The following SYT16 variants were observed in gnomAD, a reference collection of about 807,000 sequenced individuals.
SYT16 encodes synaptotagmin-16.
A neutral mutation model predicts 61.4 loss-of-function variants in SYT16; 42 were observed. The observed-to-expected ratio is 0.68, with a 90% CI of 0.53 to 0.89. The LOEUF (loss-of-function observed/expected upper bound fraction) is 0.89. SYT16 is among the 40% of genes least tolerant of loss of function. The pLI is 0.00. For synonymous variants in SYT16, 314 were observed against 302.3 expected, an observed-to-expected ratio of 1.04 and a Z score of -0.40; for missense variants, 804 against 807.3, an observed-to-expected ratio of 1.00 and a Z score of 0.05.
At chr14:61,960,099 G>A (rs775481537) in intron 1 of SYT16, among the ~76,000 whole-genome samples, 1 of 152,050 alleles carries the variant, frequency 6.6e-6, no homozygotes, top group Non-Finnish European at 1.5e-5. Flanking sequence ...CCTTAACTCA[G>A]TTTTTATTTG....
chr14:62,098,859 G>T (rs1392574527), intron 7 of SYT16, among the ~76,000 whole-genome samples: 1 of 152,152 alleles, frequency 6.6e-6, no homozygotes, highest in Non-Finnish European at 1.5e-5. Context: ...GGGAGTGAGA[G>T]AAAAAGGTCA....
chr14:62,100,694 T>C lies in SYT16; in HGVS notation c.1925T>C (p.Leu642Ser). 6.2e-7 allele frequency: 1 copy of C among 1,613,036 alleles called. No homozygotes were observed. The highest frequency in any genetic ancestry group is 8.5e-7 in the Non-Finnish European group (1 of 1,179,344). ...CAGCAGATCTGCAGATGGCACACTT[T>C]GCTGGAATCCTAGGTTTGCTAACCT... The part of the protein sequence containing the change: ...KGQQICRWHT[L>S]LES The change falls in exon 8 of 8, where the codon TTG becomes TCG. Residue 642 changes from leucine (L) to serine (S), a missense_variant. Leu to Ser is a moderately radical substitution (Grantham distance 145, BLOSUM62 -2). Transcript: ENST00000683842.
chr14:61,941,761 T>A (rs1270816942), intron 1 of SYT16, among the ~76,000 whole-genome samples: 2 of 152,132 alleles, frequency 1.3e-5, no homozygotes, highest in African/African-American at 4.8e-5. Flanking sequence ...TGACCATAGG[T>A]GCAAAGGTGC....
intron 1 of SYT16, among the ~76,000 whole-genome samples, chr14:61,964,708 A>G (rs990415274): frequency 1.3e-5 from 2 of 152,174 alleles, no homozygotes; most frequent in Non-Finnish European, 2.9e-5. Flanking sequence ...ACAGCATCAT[A>G]TGCTACAGAG....
chr14:61,912,088 G>A (rs1376111761), intron 1 of SYT16, among the ~76,000 whole-genome samples: 1 of 152,290 alleles, frequency 6.6e-6, no homozygotes, highest in African/African-American at 2.4e-5. Flanking sequence ...TGGGAGTGAT[G>A]TGTCTTTAAG....
At chr14:61,877,294 A>C (rs1041485256) in intron 1 of SYT16, among the ~76,000 whole-genome samples, 10 of 152,106 alleles carry the variant, frequency 6.6e-5, no homozygotes, top group Admixed American at 5.2e-4. Flanking sequence ...CAGGGAGGGA[A>C]GGTTGTCACA....
chr14:62,026,790 A>G (rs185513298), intron 3 of SYT16, among the ~76,000 whole-genome samples: 2 of 152,342 alleles, frequency 1.3e-5, no homozygotes, highest in Admixed American at 1.3e-4. Flanking sequence ...TTCTCCTTCT[A>G]GTAATGTATT....
chr14:61,897,393 T>G (rs959946023), intron 1 of SYT16: 1 of 152,052 alleles, frequency 6.6e-6, no homozygotes, highest in African/African-American at 2.4e-5. Flanking sequence ...GGTGTTGATC[T>G]TGTGGAAAGC....
intron 3 of SYT16, among the ~76,000 whole-genome samples, chr14:62,006,985 G>C (rs930412907): frequency 6.6e-6 from 1 of 152,088 alleles, no homozygotes; most frequent in Non-Finnish European, 1.5e-5. Context: ...TTGAAATCAT[G>C]GTGATATTTG....
intron 3 of SYT16, among the ~76,000 whole-genome samples, chr14:62,007,763 T>C (rs1415271387): frequency 6.6e-6 from 1 of 152,024 alleles, no homozygotes; most frequent in Non-Finnish European, 1.5e-5. Context: ...AATAAGAAAA[T>C]TAAGTCCTTT....
chr14:62,077,521 C>T (rs982226774), intron 5 of SYT16: 1 of 152,202 alleles, frequency 6.6e-6, no homozygotes, highest in Non-Finnish European at 1.5e-5. Context: ...CACTTTTCAT[C>T]TCTGCTTTCC....
intron 3 of SYT16, among the ~76,000 whole-genome samples, chr14:62,050,504 G>T (rs962495057): frequency 6.6e-6 from 1 of 152,186 alleles, no homozygotes; most frequent in Non-Finnish European, 1.5e-5. Context: ...GCTTTGTTCT[G>T]TTGCTGGTGA....
chr14:61,882,186 TC>T (rs1424550460), intron 1 of SYT16, among the ~76,000 whole-genome samples: 2 of 151,992 alleles, frequency 1.3e-5, no homozygotes, highest in African/African-American at 2.4e-5. Context: ...CCATATACTA[TC>T]CTCCCAATTA....
At chr14:62,035,190 G>A (rs2054460384) in intron 3 of SYT16, among the ~76,000 whole-genome samples, 1 of 152,162 alleles carries the variant, frequency 6.6e-6, no homozygotes, top group Non-Finnish European at 1.5e-5. Flanking sequence ...CATGTTGCTA[G>A]ACTCCCCTTA....
chr14:61,852,218 C>A (rs1286948309), intron 1 of SYT16, among the ~76,000 whole-genome samples: 1 of 152,000 alleles, frequency 6.6e-6, no homozygotes, highest in East Asian at 1.9e-4. Context: ...TGTTGAAGAT[C>A]AGATGGTTGT....
At chr14:62,081,449 A>G (rs896688657) in intron 6 of SYT16, among the ~76,000 whole-genome samples, 175 bp downstream of exon 6, 2 of 152,134 alleles carry the variant, frequency 1.3e-5, no homozygotes, top group African/African-American at 2.4e-5. Flanking sequence ...TGGGTCTTTC[A>G]TGCCTGTCTT....
intron 1 of SYT16, among the ~76,000 whole-genome samples, chr14:61,905,402 A>T (rs997387600): frequency 1.3e-5 from 2 of 152,248 alleles, no homozygotes; most frequent in African/African-American, 4.8e-5. Flanking sequence ...AATTGCTGCA[A>T]TTACTTATGC....
At chr14:62,095,670 AAC>A (rs1259745696) in intron 7 of SYT16, among the ~76,000 whole-genome samples, 2 of 151,968 alleles carry the variant, frequency 1.3e-5, no homozygotes, top group Admixed American at 6.6e-5. Flanking sequence ...TTGTAAAAAC[AAC>A]AGTTTTTTTT....
At chr14:61,837,609 G>C (rs2046172904) in intron 1 of SYT16, among the ~76,000 whole-genome samples, 2 of 152,148 alleles carry the variant, frequency 1.3e-5, no homozygotes, top group African/African-American at 4.8e-5. Context: ...TGGAGGGTTT[G>C]CCTCTAGAAG....
Sources: allele counts gnomAD v4.1 joint callset (sites outside exome capture counted in the v4.1 genomes callset), GRCh38; gene constraint gnomAD v4.1.1; transcripts MANE v1.5; gene names NCBI Gene and HGNC (gene_info 2026-07-23, HGNC 2026-07-21).